The following ATP2C2 variants were observed in gnomAD, a reference collection of about 807,000 sequenced individuals.
ATP2C2 encodes calcium-transporting ATPase type 2C member 2.
ATP2C2 carries 171 observed loss-of-function variants against 110.8 expected under a neutral mutation model. That is an observed-to-expected ratio of 1.54 (90% CI 1.36 to 1.75). ATP2C2 has a LOEUF of 1.75. Among genes scored for constraint, ATP2C2 ranks in the 40% most tolerant of loss-of-function variants. The probability of loss-of-function intolerance (pLI) is 0.00; values close to 1 mark genes in which losing one functional copy is unlikely to be tolerated. For missense variants in ATP2C2, 1,963 were observed against 1,235.0 expected, an observed-to-expected ratio of 1.59 and a Z score of -8.84; for synonymous variants, 804 against 508.4, an observed-to-expected ratio of 1.58 and a Z score of -7.82.
At chr16:84,419,714 C>G (rs1259027668) in intron 7 of ATP2C2, among the ~76,000 whole-genome samples, 1 of 152,152 alleles carries the variant, frequency 6.6e-6, no homozygotes, top group Admixed American at 6.5e-5. Context: ...TCCTGAGCAC[C>G]TACTACGTAT....
chr16:84,463,775 G>C lies in ATP2C2; in HGVS notation c.*43G>C, dbSNP rs180846146. The C allele has an allele frequency of 1.5e-3, 2,365 of 1,532,204 alleles. 33 individuals carry two copies. In the African/African-American group the frequency reaches 0.028, roughly 18 times the overall value. The allele number at this position is 1,532,204 out of a possible 1,614,324, so 94.9% of individuals were successfully genotyped here. A position where few individuals can be genotyped will look rare whatever the true frequency, so the allele number is the denominator to read the frequency against. On this transcript the variant is annotated 3_prime_UTR_variant, in exon 27 of 27. Transcript: ENST00000262429. ...CACCTTCCCTAATCATCTCGATCTG[G>C]TTGTGACTGTGGCCCCTGCCGTGTC...
At chr16:84,456,466 A>C (rs1195511502) in intron 21 of ATP2C2, among the ~76,000 whole-genome samples, 4 of 142,928 alleles carry the variant, frequency 2.8e-5, no homozygotes, top group African/African-American at 7.8e-5. Flanking sequence ...GCTCCTATTC[A>C]ACATAGTGTT....
intron 23 of ATP2C2, chr16:84,460,362 C>T (rs762110189): frequency 2.6e-5 from 12 of 455,606 alleles, no homozygotes; most frequent in South Asian, 7.1e-5. Context: ...GGGGTCCCCT[C>T]GGGGTGATGG....
At chr16:84,422,213 C>T (rs1343450562) in intron 7 of ATP2C2, among the ~76,000 whole-genome samples, 177 bp from the exon 8 acceptor site, 1 of 152,156 alleles carries the variant, frequency 6.6e-6, no homozygotes, top group Non-Finnish European at 1.5e-5. Context: ...AGAGGCCGCT[C>T]ATTCAAAGCT....
At chr16:84,414,973 G>A (rs1388678222) in intron 6 of ATP2C2, among the ~76,000 whole-genome samples, 1 of 152,144 alleles carries the variant, frequency 6.6e-6, no homozygotes, top group Non-Finnish European at 1.5e-5. Context: ...CGGGCAAGCG[G>A]CGGTGGTGTG....
chr16:84,446,575 A>G (rs921821376), intron 16 of ATP2C2, 145 bp downstream of exon 16: 29 of 522,740 alleles, frequency 5.5e-5, no homozygotes, highest in Admixed American at 2.0e-4. Flanking sequence ...CTTAATCACC[A>G]TCATACCTTT....
intron 1 of ATP2C2, among the ~76,000 whole-genome samples, chr16:84,372,936 T>C (rs1389535935): frequency 2.7e-5 from 4 of 150,086 alleles, no homozygotes; most frequent in Admixed American, 1.3e-4. Context: ...ACCTGGCCAA[T>C]ATGGTGAAAC....
At chr16:84,423,496 C>G (rs948112930) in intron 10 of ATP2C2, among the ~76,000 whole-genome samples, 2 of 152,204 alleles carry the variant, frequency 1.3e-5, no homozygotes, top group African/African-American at 2.4e-5. Flanking sequence ...ACGCTTGTTC[C>G]TTGCTCACAC....
chr16:84,380,143 G>A (rs1196081464), intron 1 of ATP2C2, among the ~76,000 whole-genome samples: 1 of 152,140 alleles, frequency 6.6e-6, no homozygotes, highest in Non-Finnish European at 1.5e-5. Flanking sequence ...TGTGATCTGG[G>A]AGGTGCCTGT....
At chr16:84,453,052 G>C in intron 18 of ATP2C2, 86 bp from the exon 19 acceptor site, 1 of 1,349,694 alleles carries the variant, frequency 7.4e-7, no homozygotes, top group Non-Finnish European at 1.0e-6. Context: ...TTTATTCTTG[G>C]TGTTCCCCAT....
chr16:84,374,269 A>G lies in ATP2C2; in HGVS notation c.99+5555A>G, dbSNP rs117446442. Among the ~76,000 whole-genome samples, 1,069 of 152,274 alleles carry G rather than the reference A, an allele frequency of 7.0e-3. 10 individuals carry two copies. The highest frequency in any genetic ancestry group is 0.014 in the Middle Eastern group (4 of 294). Reference sequence around the variant, plus strand: ...CAATTGTGCGCTGTGTGATGACTCAATTCTTCTGCTAACCTTTCTCTCTGA... The same window carrying G: ...CAATTGTGCGCTGTGTGATGACTCAGTTCTTCTGCTAACCTTTCTCTCTGA... On this transcript the variant is annotated intron_variant, in intron 1 of 26. Coordinates refer to ENST00000262429, the MANE Select transcript of ATP2C2 (RefSeq NM_014861.4).
intron 3 of ATP2C2, chr16:84,406,731 G>C: frequency 1.2e-6 from 1 of 849,166 alleles, no homozygotes; most frequent in Non-Finnish European, 1.4e-6. Flanking sequence ...CCGGAAGTTG[G>C]GGTTCAGGGA....
intron 13 of ATP2C2, among the ~76,000 whole-genome samples, chr16:84,440,189 G>A (rs530224815): frequency 5.3e-5 from 8 of 152,342 alleles, no homozygotes; most frequent in African/African-American, 1.9e-4. Flanking sequence ...TTGCAGTGCA[G>A]TGGTGCAATC....
chr16:84,399,828 G>T (rs970549061), intron 2 of ATP2C2, among the ~76,000 whole-genome samples: 3 of 152,066 alleles, frequency 2.0e-5, no homozygotes, highest in Non-Finnish European at 2.9e-5. Flanking sequence ...GACAACAGTC[G>T]CCCTGTCATG....
intron 15 of ATP2C2, among the ~76,000 whole-genome samples, chr16:84,444,573 C>T (rs748076491): frequency 6.6e-6 from 1 of 152,226 alleles, no homozygotes; most frequent in African/African-American, 2.4e-5. Flanking sequence ...GCTCATTTCC[C>T]GTTTTAAAAT....
chr16:84,405,268 T>G, intron 3 of ATP2C2, 24 bp downstream of exon 3: 1 of 1,576,846 alleles, frequency 6.3e-7, no homozygotes, highest in East Asian at 2.2e-5. Context: ...TGTCATTCTT[T>G]GCATTAACAT....
chr16:84,396,857 T>A (rs1408860394), intron 1 of ATP2C2, among the ~76,000 whole-genome samples: 1 of 151,926 alleles, frequency 6.6e-6, no homozygotes, highest in Non-Finnish European at 1.5e-5. Context: ...GCTGCTGTGC[T>A]CCTGGGCACT....
intron 4 of ATP2C2, among the ~76,000 whole-genome samples, 167 bp downstream of exon 4, chr16:84,408,661 C>A (rs576457348): frequency 1.3e-3 from 199 of 152,132 alleles, no homozygotes; most frequent in African/African-American, 4.6e-3. Context: ...ACCCTAATAT[C>A]AAGGTGCCCT....
At chr16:84,462,333 G>C (rs1213328791) in intron 26 of ATP2C2, 1 of 641,462 alleles carries the variant, frequency 1.6e-6, no homozygotes, top group African/African-American at 1.8e-5. Context: ...AAACCCCTAG[G>C]AAGAGGCCTG....
Sources: allele counts gnomAD v4.1 joint callset (sites outside exome capture counted in the v4.1 genomes callset), GRCh38; gene constraint gnomAD v4.1.1; transcripts MANE v1.5; gene names NCBI Gene and HGNC (gene_info 2026-07-23, HGNC 2026-07-21).